The following MAPK8IP3 variants were observed in gnomAD, a reference collection of about 807,000 sequenced individuals.
MAPK8IP3 encodes C-Jun-amino-terminal kinase-interacting protein 3.
MAPK8IP3 carries 49 observed loss-of-function variants against 157.8 expected under a neutral mutation model. The observed-to-expected ratio is 0.31, with a 90% confidence interval of 0.25 to 0.39. MAPK8IP3 has a LOEUF of 0.39. Ranked by LOEUF, MAPK8IP3 falls within the 10% of genes least tolerant of loss-of-function variation. The pLI is 1.00. For synonymous variants in MAPK8IP3, 897 were observed against 777.7 expected, an observed-to-expected ratio of 1.15 and a Z score of -2.55; for missense variants, 1,478 against 1,889.4, an observed-to-expected ratio of 0.78 and a Z score of 4.04.
intron 4 of MAPK8IP3, among the ~76,000 whole-genome samples, chr16:1,729,917 C>T (rs532038176): frequency 6.6e-6 from 1 of 152,172 alleles, no homozygotes; most frequent in South Asian, 2.1e-4. Context: ...TAAAATATAT[C>T]TGTGACCTCA....
At chr16:1,746,941 G>A (rs748394928) in intron 5 of MAPK8IP3, 88 bp from the exon 6 acceptor site, 117 of 1,470,260 alleles carry the variant, frequency 8.0e-5, no homozygotes, top group Non-Finnish European at 1.0e-4. Flanking sequence ...CAAAGCATTG[G>A]TGCGCGGGGC....
Position 1,743,570 on chromosome 16 carries a change from A to G in MAPK8IP3, c.747+94A>G, listed in dbSNP as rs1325856632. Reference sequence around the variant, plus strand: ...GAGCCTCGTCTGCAGGCAGCCCTTCACGGCTCTCTGGGCCACTCGCCCTCT... The same window carrying G: ...GAGCCTCGTCTGCAGGCAGCCCTTCGCGGCTCTCTGGGCCACTCGCCCTCT... On this transcript the variant is annotated intron_variant, in intron 5 of 31. Transcript: ENST00000610761. The surrounding 1 kb of genome is among the most constrained non-coding windows in gnomAD (Gnocchi z 5.6). The G allele has an allele frequency of 2.6e-6, 4 of 1,517,434 alleles. No individual in the cohort carries two copies. Among genetic ancestry groups the G allele is most frequent in the African/African-American group, 1.4e-5 (1 of 70,276 alleles). 94.0% of individuals were successfully genotyped at this position (1,517,434 alleles called of 1,614,324 possible).
chr16:1,755,169 A>G (rs2041523511), intron 8 of MAPK8IP3, among the ~76,000 whole-genome samples: 1 of 152,344 alleles, frequency 6.6e-6, no homozygotes, highest in East Asian at 1.9e-4. Context: ...CAGGGCCAAG[A>G]GCCAAGACAG....
chr16:1,758,280 C>T (rs1298094748), intron 9 of MAPK8IP3, 121 bp downstream of exon 9: 12 of 1,163,670 alleles, frequency 1.0e-5, no homozygotes, highest in Non-Finnish European at 1.4e-5. Context: ...GTCGCCGCAG[C>T]GCCTCTGCTT....
chr16:1,727,398 T>G (rs2038957568), intron 2 of MAPK8IP3, among the ~76,000 whole-genome samples: 1 of 152,026 alleles, frequency 6.6e-6, no homozygotes, highest in South Asian at 2.1e-4. Context: ...TTAGTCACAT[T>G]TGCTGCATGC....
Position 1,765,147 on chromosome 16 carries a change from C to G in MAPK8IP3, c.2415C>G (p.Asn805Lys). 6.2e-7 allele frequency: 1 copy of G among 1,608,262 alleles called. No homozygotes were observed. The highest frequency in any genetic ancestry group is 2.2e-5 in the East Asian group (1 of 44,694). The change falls in exon 20 of 32, where the codon AAC (asparagine) becomes AAG (lysine). Residue 805 changes from asparagine (N) to lysine (K), a missense_variant. Around this residue, in one of 11 missense-constraint regions of MAPK8IP3, gnomAD observed 669 missense variants for 759.8 expected, o/e 0.88. Transcript: ENST00000610761. Reference sequence around the variant, plus strand: ...TGGTGGACCAGTTCACCGTCTGCAACGCGCACGTGCTGTGCATCTCCAGCA... The same window carrying G: ...TGGTGGACCAGTTCACCGTCTGCAAGGCGCACGTGCTGTGCATCTCCAGCA... ...GTVVDQFTVCNAHVLCISSIP... is the reference protein window; with the variant it reads ...GTVVDQFTVCKAHVLCISSIP...
At chr16:1,720,827 G>T (rs990701576) in intron 1 of MAPK8IP3, among the ~76,000 whole-genome samples, 1 of 152,154 alleles carries the variant, frequency 6.6e-6, no homozygotes, top group Non-Finnish European at 1.5e-5. Flanking sequence ...GAGGTCAGGG[G>T]ATCAAGACCA....
At chr16:1,752,162 C>A (rs1212827127) in intron 8 of MAPK8IP3, 1 of 155,096 alleles carries the variant, frequency 6.4e-6, no homozygotes, top group African/African-American at 2.4e-5. Context: ...ACAGCCACCC[C>A]CTGCAGCACC....
chr16:1,739,632 TTCCGTGTGACC>T (rs2040488919), intron 4 of MAPK8IP3, among the ~76,000 whole-genome samples: 1 of 52,100 alleles, frequency 1.9e-5, no homozygotes. Flanking sequence ...CCGTGTGAGC[TTCCGTGTGACC>T]GTCCGTGTGA....
Position 1,710,088 on chromosome 16 carries a change from C to T in MAPK8IP3, c.318+3431C>T, listed in dbSNP as rs193246426. Among the ~76,000 whole-genome samples the T allele has an allele frequency of 1.2e-3, 176 of 152,238 alleles. No individual in the cohort carries two copies. Among genetic ancestry groups the T allele is most frequent in the South Asian group, 7.5e-3 (36 of 4,824 alleles). On this transcript the variant is annotated intron_variant, in intron 1 of 31. Coordinates refer to ENST00000610761, the MANE Select transcript of MAPK8IP3 (RefSeq NM_001318852.2). This position sits in a 1 kb window ranked among gnomAD's most constrained non-coding sequence, Gnocchi z 4.1. ...AATAAAAGTTACCGGCCAGGCGCAG[C>T]GACTCTCACATGTGTAATCCCAGCA...
At chr16:1,717,045 C>T (rs1440610190) in intron 1 of MAPK8IP3, among the ~76,000 whole-genome samples, 2 of 150,206 alleles carry the variant, frequency 1.3e-5, no homozygotes, top group Non-Finnish European at 3.0e-5. Context: ...GGCAACAGAG[C>T]GAGATGCCGT....
At chr16:1,733,771 A>C (rs2039470956) in intron 4 of MAPK8IP3, among the ~76,000 whole-genome samples, 3 of 151,928 alleles carry the variant, frequency 2.0e-5, no homozygotes, top group Admixed American at 6.6e-5. Context: ...GGGCTGCTGC[A>C]CTCCCCTCAG....
chr16:1,720,488 A>G (rs2038443646), intron 1 of MAPK8IP3, among the ~76,000 whole-genome samples: 1 of 152,222 alleles, frequency 6.6e-6, no homozygotes, highest in African/African-American at 2.4e-5. Flanking sequence ...GTTGAAAGGC[A>G]TTTCAGTATA....
At chr16:1,716,609 T>C (rs1217063412) in intron 1 of MAPK8IP3, among the ~76,000 whole-genome samples, 1 of 151,878 alleles carries the variant, frequency 6.6e-6, no homozygotes, top group Non-Finnish European at 1.5e-5. Flanking sequence ...TATTTCAATA[T>C]GTATCTTGAA....
At chr16:1,727,470 CTG>C (rs1567150393) in intron 2 of MAPK8IP3, among the ~76,000 whole-genome samples, 1 of 152,046 alleles carries the variant, frequency 6.6e-6, no homozygotes, top group Non-Finnish European at 1.5e-5. Flanking sequence ...TGTGCGGTGT[CTG>C]TACATCGTGT....
At chr16:1,744,347 C>T in intron 5 of MAPK8IP3, 1 of 985,980 alleles carries the variant, frequency 1.0e-6, no homozygotes, top group Non-Finnish European at 1.2e-6. Flanking sequence ...CAGAAGCTTA[C>T]TTCCTGCTGC....
Position 1,748,615 on chromosome 16 carries a change from A to C in MAPK8IP3, c.1111A>C (p.Ile371Leu). The C allele has an allele frequency of 6.2e-7, 1 of 1,614,010 alleles. No homozygotes were observed. Among genetic ancestry groups the C allele is most frequent in the African/African-American group, 1.3e-5 (1 of 75,076 alleles). The change falls in exon 8 of 32, where the codon ATC becomes CTC. Residue 371 changes from isoleucine (I) to leucine (L), a missense_variant. Coordinates refer to ENST00000610761, the MANE Select transcript of MAPK8IP3 (RefSeq NM_001318852.2). ...GGATCCCAACAGCCCAACCCAGGGCATCGTGAACAAAGCTTTCGGCATCAA... is the reference window on the plus strand; with the variant it reads ...GGATCCCAACAGCCCAACCCAGGGCCTCGTGAACAAAGCTTTCGGCATCAA... ...DRTGSSPTQG[I>L]VNKAFGINTD...
At chr16:1,737,740 G>A (rs1279075534) in intron 4 of MAPK8IP3, among the ~76,000 whole-genome samples, 4 of 69,486 alleles carry the variant, frequency 5.8e-5, no homozygotes, top group Non-Finnish European at 9.8e-5. Flanking sequence ...GCATCCGTGT[G>A]AGCGTGACCA....
chr16:1,728,428 G>A (rs1043877515), intron 2 of MAPK8IP3, among the ~76,000 whole-genome samples: 10 of 152,214 alleles, frequency 6.6e-5, no homozygotes, highest in Admixed American at 3.3e-4. Context: ...TGCACCTGTT[G>A]CCTGTGCCTG....
Sources: allele counts gnomAD v4.1 joint callset (sites outside exome capture counted in the v4.1 genomes callset), GRCh38; gene constraint gnomAD v4.1.1; regional missense constraint gnomAD v4.1.1; non-coding constraint Gnocchi (gnomAD v3.1); transcripts MANE v1.5; gene names NCBI Gene and HGNC (gene_info 2026-07-23, HGNC 2026-07-21).